Variants in ST6GAL1 observed in about 807,000 individuals in gnomAD.
ST6GAL1 encodes the protein beta-galactoside alpha-2,6-sialyltransferase 1.
ST6GAL1 carries 20 observed loss-of-function variants against 38.0 expected under a neutral mutation model. The observed-to-expected ratio is 0.53, with a 90% CI of 0.37 to 0.77. The LOEUF is 0.77. Among genes scored for constraint, ST6GAL1 ranks in the 30% least tolerant of loss-of-function variants. The pLI, the probability that ST6GAL1 is intolerant of heterozygous loss-of-function variation, is 0.00. For synonymous variants in ST6GAL1, 196 were observed against 188.2 expected (o/e 1.04, Z -0.34); for missense variants, 432 against 496.4 (o/e 0.87, Z 1.23).
At chr3:186,988,341 A>G (rs1579298860) in intron 2 of ST6GAL1, among the ~76,000 whole-genome samples, 1 of 152,122 alleles carries the variant, frequency 6.6e-6, no homozygotes, top group South Asian at 2.1e-4. Flanking sequence ...CTAACCTGTG[A>G]TTTAGATTAA....
At chr3:186,949,523 GA>G (rs1424669336) in intron 1 of ST6GAL1, among the ~76,000 whole-genome samples, 1 of 152,102 alleles carries the variant, frequency 6.6e-6, no homozygotes, top group East Asian at 1.9e-4. Flanking sequence ...TGGATGAGGG[GA>G]AAAAACTGGC....
intron 5 of ST6GAL1, among the ~76,000 whole-genome samples, chr3:187,066,530 G>A (rs1192132118): frequency 6.6e-6 from 1 of 152,066 alleles, no homozygotes; most frequent in African/African-American, 2.4e-5. Flanking sequence ...CTATAACAGA[G>A]GGAAAACAGA....
intron 1 of ST6GAL1, among the ~76,000 whole-genome samples, chr3:186,931,599 A>G (rs1257365051): frequency 1.3e-5 from 2 of 152,194 alleles, no homozygotes; most frequent in Non-Finnish European, 2.9e-5. Context: ...GCCCCTCAAA[A>G]AAAGAGAGTG....
At chr3:186,958,052 A>T (rs559929420) in intron 1 of ST6GAL1, among the ~76,000 whole-genome samples, 20 of 113,444 alleles carry the variant, frequency 1.8e-4, no homozygotes, top group African/African-American at 6.3e-4. Flanking sequence ...TTTAAGAATT[A>T]AAAAAAAAAA....
At chr3:187,062,638 G>GTGA (rs1718961949) in intron 5 of ST6GAL1, among the ~76,000 whole-genome samples, 1 of 151,152 alleles carries the variant, frequency 6.6e-6, no homozygotes, top group Non-Finnish European at 1.5e-5. Flanking sequence ...GCCAGGGAAT[G>GTGA]TGAGGTGGGA....
chr3:186,975,319 T>C (rs1715488396), intron 2 of ST6GAL1, among the ~76,000 whole-genome samples: 1 of 152,142 alleles, frequency 6.6e-6, no homozygotes. Flanking sequence ...AGCTTAATGA[T>C]TCAGAGCTGG....
At chr3:187,034,202 A>G (rs1466365834) in intron 2 of ST6GAL1, among the ~76,000 whole-genome samples, 1 of 152,202 alleles carries the variant, frequency 6.6e-6, no homozygotes, top group Non-Finnish European at 1.5e-5. Flanking sequence ...TCAAGATTGA[A>G]TCAGGAAGAA....
At chr3:186,939,824 TGTTA>T (rs921846655) in intron 1 of ST6GAL1, among the ~76,000 whole-genome samples, 27 of 152,194 alleles carry the variant, frequency 1.8e-4, no homozygotes, top group African/African-American at 5.3e-4. Context: ...CCATCCCCTC[TGTTA>T]GTTAGCCCCT....
chr3:186,979,439 C>T (rs1231176769), intron 2 of ST6GAL1, among the ~76,000 whole-genome samples: 1 of 152,118 alleles, frequency 6.6e-6, no homozygotes, highest in Non-Finnish European at 1.5e-5. Context: ...AACTCTGTGC[C>T]TGATCTGCTT....
At chr3:186,983,636 T>C (rs1715765915) in intron 2 of ST6GAL1, among the ~76,000 whole-genome samples, 2 of 152,052 alleles carry the variant, frequency 1.3e-5, no homozygotes, top group South Asian at 4.2e-4. Context: ...GGGATTATAA[T>C]GGTTATTATA....
intron 1 of ST6GAL1, among the ~76,000 whole-genome samples, chr3:186,953,098 A>G (rs145421018): frequency 9.2e-5 from 14 of 152,276 alleles, no homozygotes; most frequent in African/African-American, 3.4e-4. Context: ...TCGTTTCACA[A>G]CTGAGCCTCC....
chr3:187,001,265 G>A (rs946367408), intron 2 of ST6GAL1, among the ~76,000 whole-genome samples: 2 of 152,208 alleles, frequency 1.3e-5, no homozygotes, highest in African/African-American at 4.8e-5. Context: ...ACCCTCCACT[G>A]CACATAGATC....
intron 2 of ST6GAL1, among the ~76,000 whole-genome samples, chr3:186,969,439 T>C (rs867666824): frequency 1.3e-5 from 2 of 152,234 alleles, no homozygotes; most frequent in South Asian, 4.1e-4. Flanking sequence ...TTGAGCTTCA[T>C]TTTTATGTGC....
intron 2 of ST6GAL1, among the ~76,000 whole-genome samples, chr3:186,971,125 G>A (rs183712427): frequency 1.2e-4 from 18 of 152,338 alleles, no homozygotes; most frequent in African/African-American, 4.1e-4. Flanking sequence ...TTTCACTCTT[G>A]TCACCCAGCC....
At position 187,039,069 on chromosome 3, in the gene ST6GAL1, G is replaced by C. The variant is rs140840731; in HGVS notation, c.-51+196G>C. 4.2e-3 allele frequency among the ~76,000 whole-genome samples: 645 copies of C among 152,242 alleles called. 2 individuals are homozygous for C. Among genetic ancestry groups the C allele is most frequent in the Non-Finnish European group, 5.6e-3 (381 of 68,008 alleles). ...TTTCATTGGGGGGTGTAGAGAAATG[G>C]CTTGTCCATTTCTATTAACTATATA... On this transcript the variant is annotated intron_variant, in intron 3 of 7. Transcript: ENST00000169298.
chr3:187,018,188 T>A (rs1717181644), intron 2 of ST6GAL1, among the ~76,000 whole-genome samples: 2 of 152,124 alleles, frequency 1.3e-5, no homozygotes, highest in Non-Finnish European at 2.9e-5. Flanking sequence ...TTTTACATTG[T>A]TTTTTTCCTG....
chr3:186,997,318 T>G (rs900334889), intron 2 of ST6GAL1, among the ~76,000 whole-genome samples: 2 of 152,092 alleles, frequency 1.3e-5, no homozygotes, highest in Non-Finnish European at 2.9e-5. Context: ...AGGGATGAAA[T>G]GACATGCTAA....
At chr3:187,024,456 A>G (rs904323467) in intron 2 of ST6GAL1, among the ~76,000 whole-genome samples, 2 of 138,038 alleles carry the variant, frequency 1.4e-5, no homozygotes, top group Non-Finnish European at 3.0e-5. Flanking sequence ...ACACACACAT[A>G]TATACACATA....
At chr3:186,968,691 A>G (rs1319631741) in intron 2 of ST6GAL1, among the ~76,000 whole-genome samples, 2 of 152,104 alleles carry the variant, frequency 1.3e-5, no homozygotes, top group Non-Finnish European at 2.9e-5. Context: ...TGTTGTGTGT[A>G]TCAGTAGTCC....
Sources: gnomAD v4.1 joint callset for allele counts (sites outside exome capture counted in the v4.1 genomes callset) on GRCh38, gnomAD v4.1.1 for gene constraint, MANE v1.5 for transcripts, NCBI Gene and HGNC (gene_info 2026-07-23, HGNC 2026-07-21) for gene names.